The following CACNA2D1 variants were observed in gnomAD, a reference collection of about 807,000 sequenced individuals.
CACNA2D1 encodes the protein voltage-dependent calcium channel subunit alpha-2/delta-1.
CACNA2D1 carries 53 observed loss-of-function variants against 171.5 expected under a neutral mutation model. That is an observed-to-expected ratio of 0.31 (90% CI 0.25 to 0.39). The LOEUF is 0.39. Among genes scored for constraint, CACNA2D1 ranks in the 10% least tolerant of loss-of-function variants. The pLI, the probability that CACNA2D1 is intolerant of heterozygous loss-of-function variation, is 1.00. For synonymous variants in CACNA2D1, 442 were observed against 443.1 expected (o/e 1.00, Z 0.03); for missense variants, 903 against 1,299.8 (o/e 0.69, Z 4.69).
At chr7:82,285,079 A>T (rs921344718) in intron 3 of CACNA2D1, among the ~76,000 whole-genome samples, 2 of 151,968 alleles carry the variant, frequency 1.3e-5, no homozygotes, top group African/African-American at 4.8e-5. Context: ...TTTGATCCAC[A>T]ACCACCCCCA....
Position 82,443,650 on chromosome 7 carries a change from G to A in CACNA2D1, c.-191C>T. The A allele has an allele frequency of 7.8e-7, 1 of 1,288,106 alleles. No individual in the cohort carries two copies. The highest frequency in any genetic ancestry group is 9.8e-7 in the Non-Finnish European group (1 of 1,025,584). 79.8% of individuals were successfully genotyped at this position (1,288,106 alleles called of 1,614,324 possible). The stretch of plus-strand genomic sequence containing the variant: ...GGCGGGAGCGGACGCCGAGGAAGGG[G>A]CGGTGGCGGGCGGACCCACTAGCGT... On this transcript the variant is annotated 5_prime_UTR_variant, in exon 1 of 39. Coordinates refer to ENST00000356860, the MANE Select transcript of CACNA2D1 (RefSeq NM_000722.4).
intron 6 of CACNA2D1, 61 bp downstream of exon 6, chr7:82,116,983 G>A (rs751122604): frequency 6.3e-7 from 1 of 1,581,280 alleles, no homozygotes; most frequent in Admixed American, 1.7e-5. Context: ...CCTCAAACAT[G>A]GGAAACATAA....
At chr7:81,954,196 C>CA (rs1792934909) in intron 38 of CACNA2D1, among the ~76,000 whole-genome samples, 1 of 151,890 alleles carries the variant, frequency 6.6e-6, no homozygotes, top group Admixed American at 6.6e-5. Flanking sequence ...ACACCATGAC[C>CA]AGATATAATA....
chr7:82,081,180 T>C (rs1202238748), intron 7 of CACNA2D1, among the ~76,000 whole-genome samples: 1 of 152,190 alleles, frequency 6.6e-6, no homozygotes, highest in Non-Finnish European at 1.5e-5. Context: ...ATAATTAAAA[T>C]ACTAAAAGAC....
At chr7:82,386,057 T>A (rs774009826) in intron 1 of CACNA2D1, among the ~76,000 whole-genome samples, 7 of 152,188 alleles carry the variant, frequency 4.6e-5, no homozygotes, top group African/African-American at 9.7e-5. Flanking sequence ...AGAATTTTTT[T>A]CAGGTAATTT....
At chr7:82,085,012 T>C in intron 6 of CACNA2D1, 112 bp from the exon 7 acceptor site, 2 of 975,630 alleles carry the variant, frequency 2.0e-6, no homozygotes, top group Non-Finnish European at 3.1e-6. Context: ...ACCTATAAAA[T>C]AACTCTAATC....
At chr7:82,235,232 A>G (rs182703059) in intron 3 of CACNA2D1, among the ~76,000 whole-genome samples, 1 of 152,286 alleles carries the variant, frequency 6.6e-6, no homozygotes, top group East Asian at 1.9e-4. Context: ...TCTCTGGTAC[A>G]TTCGGCAAAA....
intron 3 of CACNA2D1, among the ~76,000 whole-genome samples, 196 bp from the exon 4 acceptor site, chr7:82,170,805 T>C (rs991936507): frequency 6.6e-6 from 1 of 152,014 alleles, no homozygotes; most frequent in African/African-American, 2.4e-5. Flanking sequence ...TCTTCAGCAA[T>C]ATAAATAATA....
intron 6 of CACNA2D1, among the ~76,000 whole-genome samples, chr7:82,105,398 C>CTTTTTTTTTTTTGTTTTT (rs1787626118): frequency 1.0e-5 from 1 of 99,486 alleles, no homozygotes; most frequent in Non-Finnish European, 1.9e-5. Context: ...CAGTTTTTGT[C>CTTTTTTTTTTTTGTTTTT]TTTTTTTTTT....
intron 20 of CACNA2D1, among the ~76,000 whole-genome samples, chr7:81,992,807 A>C (rs1167730183): frequency 1.3e-5 from 2 of 152,194 alleles, no homozygotes; most frequent in African/African-American, 4.8e-5. Flanking sequence ...AGCTTCTTAA[A>C]AAAGTCATTA....
In CACNA2D1 at chr7:82,443,564, G is replaced by A. The variant is rs1830678857; in HGVS notation, c.-105C>T. ...GCAGCACACGCCGCCGGGACCGCGG[G>A]CGTCTGGAGGGCTGGCTGCGCCCGG... On this transcript the variant is annotated 5_prime_UTR_variant, in exon 1 of 39. Coordinates refer to ENST00000356860, the MANE Select transcript of CACNA2D1 (RefSeq NM_000722.4). The A allele has an allele frequency of 2.0e-6, 3 of 1,503,870 alleles. No homozygotes were observed. The highest frequency in any genetic ancestry group is 1.2e-5 in the South Asian group (1 of 80,366). The allele number at this position is 1,503,870 out of a possible 1,614,324, so 93.2% of individuals were successfully genotyped here.
At chr7:82,197,276 T>C (rs1288621233) in intron 3 of CACNA2D1, among the ~76,000 whole-genome samples, 3 of 151,964 alleles carry the variant, frequency 2.0e-5, no homozygotes, top group African/African-American at 7.2e-5. Flanking sequence ...ATGAGATGAA[T>C]AGGAACAGGA....
chr7:82,012,603 G>T (rs1161190062), intron 14 of CACNA2D1, among the ~76,000 whole-genome samples: 1 of 152,166 alleles, frequency 6.6e-6, no homozygotes, highest in Middle Eastern at 3.4e-3. Context: ...GCGTGGAATT[G>T]CACAAATTTA....
At position 82,413,175 on chromosome 7, in the gene CACNA2D1, T is replaced by C. The variant is rs78238727; in HGVS notation, c.95+30190A>G. Among the ~76,000 whole-genome samples, 439 of 152,348 alleles carry C rather than the reference T, an allele frequency of 2.9e-3. 3 individuals carry two copies. Among genetic ancestry groups the C allele is most frequent in the African/African-American group, 1.0e-2 (415 of 41,590 alleles). On this transcript the variant is annotated intron_variant, in intron 1 of 38. Coordinates refer to ENST00000356860, the MANE Select transcript of CACNA2D1 (RefSeq NM_000722.4). ...AAGTAGTTCGTAATTGAACATTTCT[T>C]AGTCAATCGCTTTTAATCTTTTATA... is the stretch of plus-strand genomic sequence containing the variant.
intron 34 of CACNA2D1, 78 bp downstream of exon 34, chr7:81,963,978 A>T: frequency 8.5e-7 from 1 of 1,183,122 alleles, no homozygotes; most frequent in East Asian, 2.5e-5. Context: ...TATCCCCTAA[A>T]TCCATATTTT....
At chr7:82,009,999 T>C (rs1400634729) in intron 15 of CACNA2D1, among the ~76,000 whole-genome samples, 2 of 152,146 alleles carry the variant, frequency 1.3e-5, no homozygotes, top group African/African-American at 2.4e-5. Context: ...TTTTTTGATA[T>C]ACTCAGTGCT....
chr7:81,994,035 C>G (rs1295965651), intron 20 of CACNA2D1, among the ~76,000 whole-genome samples: 2 of 152,000 alleles, frequency 1.3e-5, no homozygotes, highest in Admixed American at 1.3e-4. Flanking sequence ...GGATCATAGT[C>G]AGATCCTAGC....
Position 82,428,438 on chromosome 7 carries a change from G to C in CACNA2D1, c.95+14927C>G, listed in dbSNP as rs1829391076. On this transcript the variant is annotated intron_variant, in intron 1 of 38. Transcript: ENST00000356860. ...TTTTATTTATTTATTTTATGACTTGGACCTCCCTTTCCCACTCCCATTCCA... is the reference window on the plus strand; with the variant it reads ...TTTTATTTATTTATTTTATGACTTGCACCTCCCTTTCCCACTCCCATTCCA... Among the ~76,000 whole-genome samples, 7 of 152,176 alleles carry C rather than the reference G, an allele frequency of 4.6e-5. No homozygotes were observed. In the South Asian group the frequency reaches 1.5e-3, roughly 32 times the overall value.
At chr7:81,988,955 TG>T (rs777953352) in intron 21 of CACNA2D1, among the ~76,000 whole-genome samples, 4 of 152,160 alleles carry the variant, frequency 2.6e-5, no homozygotes, top group Non-Finnish European at 5.9e-5. Flanking sequence ...ATGGAGAATA[TG>T]AAGTGGAAGA....
Sources: gnomAD v4.1 joint callset for allele counts (sites outside exome capture counted in the v4.1 genomes callset) on GRCh38, gnomAD v4.1.1 for gene constraint, MANE v1.5 for transcripts, NCBI Gene and HGNC (gene_info 2026-07-23, HGNC 2026-07-21) for gene names.